CRADD: variants seen among roughly 807,000 people sequenced by gnomAD.
CRADD encodes the protein CARD and death domain containing adaptor protein.
In CRADD, 9 loss-of-function variants were observed where a neutral mutation model predicts 15.5. The observed-to-expected ratio is 0.58, with a 90% CI of 0.35 to 1.01. The LOEUF is 1.01. CRADD is among the 50% of genes least tolerant of loss of function. The pLI is 0.02. For missense variants in CRADD, 227 were observed against 250.3 expected (o/e 0.91, Z 0.63); for synonymous variants, 118 against 107.6 (o/e 1.10, Z -0.60).
intron 2 of CRADD, among the ~76,000 whole-genome samples, chr12:93,831,649 C>T (rs969332231): frequency 6.6e-6 from 1 of 152,252 alleles, no homozygotes; most frequent in African/African-American, 2.4e-5. Flanking sequence ...AGACATTGTG[C>T]TAGGGGCTAG....
chr12:93,802,265 A>G (rs756817833), intron 2 of CRADD, among the ~76,000 whole-genome samples: 1 of 152,200 alleles, frequency 6.6e-6, no homozygotes, highest in Non-Finnish European at 1.5e-5. Flanking sequence ...AGGAATCTCT[A>G]TACGTTTTCC....
At chr12:93,854,359 T>G (rs781331379), downstream of CRADD, among the ~76,000 whole-genome samples, 13 of 152,230 alleles carry the variant, frequency 8.5e-5, no homozygotes, top group Non-Finnish European at 1.3e-4. Context: ...CCTGCCTTCT[T>G]TACTTGGTAG....
chr12:93,825,847 G>A (rs1957817815), intron 2 of CRADD, among the ~76,000 whole-genome samples: 1 of 152,196 alleles, frequency 6.6e-6, no homozygotes, highest in South Asian at 2.1e-4. Flanking sequence ...AGGCATATCG[G>A]CAACATGGCC....
chr12:93,743,216 TAG>T (rs1956703535), intron 2 of CRADD, among the ~76,000 whole-genome samples: 2 of 152,338 alleles, frequency 1.3e-5, no homozygotes, highest in Admixed American at 6.5e-5. Flanking sequence ...AGTTACAATA[TAG>T]AGGTTTTTTA....
intron 2 of CRADD, among the ~76,000 whole-genome samples, chr12:93,713,185 G>C (rs1169657537): frequency 1.3e-5 from 2 of 152,082 alleles, no homozygotes; most frequent in African/African-American, 4.8e-5. Context: ...CACTTCAAAA[G>C]AGGTCTGTGC....
At chr12:93,835,931 G>A (rs1957967558) in intron 2 of CRADD, among the ~76,000 whole-genome samples, 1 of 152,108 alleles carries the variant, frequency 6.6e-6, no homozygotes, top group African/African-American at 2.4e-5. Context: ...TACCCCTTGA[G>A]GACCAGGTAT....
intron 2 of CRADD, among the ~76,000 whole-genome samples, chr12:93,730,275 A>T (rs1332661814): frequency 6.6e-6 from 1 of 152,252 alleles, no homozygotes; most frequent in Non-Finnish European, 1.5e-5. Context: ...TCTTCAGTAT[A>T]ACACGGACCT....
At chr12:93,759,272 T>C (rs747610117) in intron 2 of CRADD, among the ~76,000 whole-genome samples, 1 of 152,070 alleles carries the variant, frequency 6.6e-6, no homozygotes, top group African/African-American at 2.4e-5. Context: ...AGTGGGAACA[T>C]AGCATGAGAG....
intron 2 of CRADD, among the ~76,000 whole-genome samples, chr12:93,765,887 A>G (rs531192983): frequency 2.1e-4 from 32 of 152,176 alleles, no homozygotes; most frequent in African/African-American, 7.5e-4. Flanking sequence ...ACTGTCATGT[A>G]TGATTTTAGC....
At chr12:93,713,621 C>T (rs1036349180) in intron 2 of CRADD, among the ~76,000 whole-genome samples, 4 of 151,296 alleles carry the variant, frequency 2.6e-5, no homozygotes, top group East Asian at 1.9e-4. Context: ...GTTTTCTTAA[C>T]GTTTTTTTTA....
At chr12:93,725,140 G>A (rs951719708) in intron 2 of CRADD, among the ~76,000 whole-genome samples, 29 of 152,206 alleles carry the variant, frequency 1.9e-4, no homozygotes, top group African/African-American at 4.3e-4. Context: ...GATTACAGGC[G>A]TGAGCCACCA....
chr12:93,701,069 T>A (rs1955834448), intron 2 of CRADD, among the ~76,000 whole-genome samples: 1 of 152,200 alleles, frequency 6.6e-6, no homozygotes, highest in African/African-American at 2.4e-5. Context: ...AAAATATATT[T>A]AAATTTTCCT....
At chr12:93,725,661 G>A (rs911324205) in intron 2 of CRADD, among the ~76,000 whole-genome samples, 1 of 152,216 alleles carries the variant, frequency 6.6e-6, no homozygotes, top group Non-Finnish European at 1.5e-5. Context: ...GTATTGTAAT[G>A]CAAAATTTGG....
chr12:93,810,630 A>G (rs1957614745), intron 2 of CRADD, among the ~76,000 whole-genome samples: 1 of 143,902 alleles, frequency 6.9e-6, no homozygotes, highest in African/African-American at 2.5e-5. Context: ...AGAATGCAGT[A>G]TGGCTGATGT....
chr12:93,818,650 G>A (rs1205379820), intron 2 of CRADD, among the ~76,000 whole-genome samples: 2 of 152,212 alleles, frequency 1.3e-5, no homozygotes, highest in Non-Finnish European at 2.9e-5. Context: ...GGCAAGGGGT[G>A]GGGCGAGGAG....
intron 2 of CRADD, among the ~76,000 whole-genome samples, chr12:93,785,764 C>T (rs1957271785): frequency 6.6e-6 from 1 of 152,092 alleles, no homozygotes; most frequent in South Asian, 2.1e-4. Context: ...TGTTTGGTTG[C>T]CAGTGAGAAT....
At chr12:93,865,888 T>C (rs1041550893) in intron 2 of CRADD, among the ~76,000 whole-genome samples, 4 of 152,230 alleles carry the variant, frequency 2.6e-5, no homozygotes, top group African/African-American at 9.6e-5. Context: ...CCACAGATGT[T>C]TGAGAGCTTA....
chr12:93,703,655 C>T (rs1955884125), intron 2 of CRADD, among the ~76,000 whole-genome samples: 1 of 152,030 alleles, frequency 6.6e-6, no homozygotes, highest in Admixed American at 6.5e-5. Flanking sequence ...AACCACCATA[C>T]CCAGCCTCTT....
At chr12:93,753,301 G>A (rs372999806) in intron 2 of CRADD, among the ~76,000 whole-genome samples, 26 of 152,280 alleles carry the variant, frequency 1.7e-4, no homozygotes, top group African/African-American at 6.3e-4. Context: ...TTACATGTGA[G>A]GATTATAGGA....
Sources: gnomAD v4.1 joint callset for allele counts (sites outside exome capture counted in the v4.1 genomes callset) on GRCh38, gnomAD v4.1.1 for gene constraint, MANE v1.5 for transcripts, NCBI Gene and HGNC (gene_info 2026-07-23, HGNC 2026-07-21) for gene names.